The following SCAI variants were observed in gnomAD, a reference collection of about 807,000 sequenced individuals.
SCAI encodes protein SCAI.
SCAI carries 24 observed loss-of-function variants against 92.2 expected under a neutral mutation model. That is an observed-to-expected ratio of 0.26 (90% CI 0.19 to 0.37). SCAI has a LOEUF of 0.37. Among genes scored for constraint, SCAI ranks in the 10% least tolerant of loss-of-function variants. The pLI, the probability that SCAI is intolerant of heterozygous loss-of-function variation, is 1.00. For synonymous variants in SCAI, 261 were observed against 258.6 expected, an observed-to-expected ratio of 1.01 and a Z score of -0.09; for missense variants, 450 against 736.2, an observed-to-expected ratio of 0.61 and a Z score of 4.50.
At chr9:125,060,262 GAA>G (rs34193153) in intron 2 of SCAI, among the ~76,000 whole-genome samples, 3 of 89,508 alleles carry the variant, frequency 3.4e-5, no homozygotes, top group Non-Finnish European at 4.8e-5. Flanking sequence ...GGCTTAGTAT[GAA>G]AAAAAAAAAA....
chr9:124,973,060 G>A (rs1831690142), intron 15 of SCAI, among the ~76,000 whole-genome samples: 1 of 152,218 alleles, frequency 6.6e-6, no homozygotes, highest in African/African-American at 2.4e-5. Flanking sequence ...TATACATAAT[G>A]AGATGTCCTG....
At chr9:125,093,288 G>A (rs1395090899) in intron 2 of SCAI, among the ~76,000 whole-genome samples, 1 of 152,064 alleles carries the variant, frequency 6.6e-6, no homozygotes. Context: ...TTGAACCCAG[G>A]AGGGGAAGGC....
At chr9:125,093,697 C>G (rs536410766) in intron 2 of SCAI, among the ~76,000 whole-genome samples, 1 of 151,952 alleles carries the variant, frequency 6.6e-6, no homozygotes, top group East Asian at 2.0e-4. Context: ...TCCCGAGTAG[C>G]TGGGACTACA....
At chr9:125,097,796 G>A (rs1414478080) in intron 2 of SCAI, among the ~76,000 whole-genome samples, 1 of 151,480 alleles carries the variant, frequency 6.6e-6, no homozygotes, top group Non-Finnish European at 1.5e-5. Context: ...TTTCAAGGAA[G>A]AAAGATTACA....
intron 2 of SCAI, among the ~76,000 whole-genome samples, chr9:125,084,100 T>C (rs560028010): frequency 1.3e-5 from 2 of 149,092 alleles, no homozygotes; most frequent in African/African-American, 2.5e-5. Flanking sequence ...GTAAAAAAAA[T>C]TTTTTTTAAC....
chr9:125,039,367 C>A (rs1487190952), intron 3 of SCAI, among the ~76,000 whole-genome samples: 1 of 122,714 alleles, frequency 8.1e-6, no homozygotes, highest in Non-Finnish European at 1.6e-5. Flanking sequence ...AGCCTGGCAA[C>A]AGAGCGAGAC....
At chr9:125,050,232 C>T (rs912124889) in intron 3 of SCAI, among the ~76,000 whole-genome samples, 1 of 152,082 alleles carries the variant, frequency 6.6e-6, no homozygotes, top group Non-Finnish European at 1.5e-5. Context: ...TTCTTCTTCT[C>T]TATAAGGGCC....
rs1833651203 is a variant in SCAI, at chr9:125,055,806, C to CT, written c.230+69_230+70insA. On this transcript the variant is annotated intron_variant, in intron 3 of 17. Transcript: ENST00000336505. ...TCTACCCATAATTTTCGGAAACTTACCACACATCAGCCAGAAAAAAAACAA... is the reference window on the plus strand; with the variant it reads ...TCTACCCATAATTTTCGGAAACTTACTCACACATCAGCCAGAAAAAAAACAA... 5 of 1,363,142 alleles carry CT rather than the reference C, an allele frequency of 3.7e-6. No homozygotes were observed. The African/African-American group carries it at 7.4e-5, about 20-fold the overall frequency. The allele number at this position is 1,363,142 out of a possible 1,614,324, so 84.4% of individuals were successfully genotyped here.
chr9:124,976,186 T>C lies in SCAI; in HGVS notation c.1327A>G (p.Asn443Asp). ...VDSSNSVAYK[N>D]FTNLFGQPLV... ...GGCTGTCCAAACAAGTTTGTGAAAT[T>C]CTGTAATATATAAGAATTTAAAACT... The change falls in exon 15 of 18, where the codon AAT (asparagine) becomes GAT (aspartate). Residue 443 changes from asparagine (N) to aspartate (D), a missense_variant and splice_region_variant. This residue lies in a region of SCAI where 360 missense variants were observed against 601.8 expected (regional missense o/e 0.60). Coordinates refer to ENST00000336505, the MANE Select transcript of SCAI (RefSeq NM_001144877.3). 1 of 1,595,354 alleles carries C rather than the reference T, an allele frequency of 6.3e-7. No individual in the cohort carries two copies. Among genetic ancestry groups the C allele is most frequent in the Non-Finnish European group, 8.6e-7 (1 of 1,163,152 alleles).
At chr9:125,087,945 G>A (rs1397470781) in intron 2 of SCAI, among the ~76,000 whole-genome samples, 4 of 152,132 alleles carry the variant, frequency 2.6e-5, no homozygotes, top group African/African-American at 9.7e-5. Context: ...TATAATATAC[G>A]TAAAGTATAT....
At chr9:124,990,651 G>A (rs1481263555) in intron 14 of SCAI, among the ~76,000 whole-genome samples, 2 of 151,888 alleles carry the variant, frequency 1.3e-5, no homozygotes, top group Non-Finnish European at 2.9e-5. Flanking sequence ...GAAGAATCAA[G>A]AATTATCAAT....
chr9:125,056,097 C>T, intron 2 of SCAI, 90 bp from the exon 3 acceptor site: 1 of 903,130 alleles, frequency 1.1e-6, no homozygotes, highest in Non-Finnish European at 1.7e-6. Flanking sequence ...ATTTTTTATC[C>T]AAGACAGATA....
chr9:125,077,024 A>G (rs1319944782), intron 2 of SCAI, among the ~76,000 whole-genome samples: 1 of 152,196 alleles, frequency 6.6e-6, no homozygotes, highest in African/African-American at 2.4e-5. Context: ...TTCTACAAAA[A>G]AATGAAAAAA....
intron 15 of SCAI, chr9:124,975,270 C>T (rs1355071383): frequency 4.4e-6 from 2 of 453,102 alleles, no homozygotes; most frequent in East Asian, 7.0e-5. Flanking sequence ...TGAAAGCCTC[C>T]AGCTTCTCTC....
chr9:124,977,973 TA>T (rs56747188), intron 14 of SCAI, among the ~76,000 whole-genome samples: 4 of 152,258 alleles, frequency 2.6e-5, no homozygotes, highest in African/African-American at 7.2e-5. Context: ...AAAAAATAAT[TA>T]TTTTTTTTAC....
chr9:125,020,649 T>C (rs561243353), intron 7 of SCAI, 24 bp downstream of exon 7: 4 of 1,026,502 alleles, frequency 3.9e-6, no homozygotes, highest in African/African-American at 3.3e-5. Flanking sequence ...AGATTAGAAT[T>C]TGAACTATTT....
intron 9 of SCAI, among the ~76,000 whole-genome samples, chr9:125,007,669 T>C (rs559080621): frequency 6.7e-6 from 1 of 150,110 alleles, no homozygotes; most frequent in African/African-American, 2.4e-5. Context: ...AAAAAAAAAA[T>C]TTTTTTTAAG....
In SCAI at chr9:125,019,505, T is replaced by TA. The variant is rs992125548; in HGVS notation, c.610-301dup. The stretch of plus-strand genomic sequence containing the variant: ...AAGAGAAATTCAAAAATTTTAACAA[T>TA]AAAAAAAAATGAGGCTGGATGCAGT... On this transcript the variant is annotated intron_variant, in intron 7 of 17. Coordinates refer to ENST00000336505, the MANE Select transcript of SCAI (RefSeq NM_001144877.3). Among the ~76,000 whole-genome samples, 16 of 149,918 alleles carry TA rather than the reference T, an allele frequency of 1.1e-4. 1 individual carries two copies. The highest frequency in any genetic ancestry group is 3.4e-4 in the African/African-American group (14 of 40,916).
intron 2 of SCAI, among the ~76,000 whole-genome samples, chr9:125,082,728 C>G (rs1325994335): frequency 6.6e-6 from 1 of 152,226 alleles, no homozygotes; most frequent in South Asian, 2.1e-4. Flanking sequence ...TAAGATTTGA[C>G]TGCCCTGCTG....
Sources: allele counts gnomAD v4.1 joint callset (sites outside exome capture counted in the v4.1 genomes callset), GRCh38; gene constraint gnomAD v4.1.1; regional missense constraint gnomAD v4.1.1; transcripts MANE v1.5; gene names NCBI Gene and HGNC (gene_info 2026-07-23, HGNC 2026-07-21).